OTUD7A: variants seen among roughly 807,000 people sequenced by gnomAD.
OTUD7A encodes the protein OTU domain-containing protein 7A.
In OTUD7A, 12 loss-of-function variants were observed where a neutral mutation model predicts 65.7. That is an observed-to-expected ratio of 0.18 (90% CI 0.12 to 0.30). The LOEUF (loss-of-function observed/expected upper bound fraction) is 0.30, where lower values mean the gene tolerates loss of function less well. Ranked by LOEUF, OTUD7A falls within the 10% of genes least tolerant of loss-of-function variation. The pLI is 1.00. For missense variants in OTUD7A, 1,148 were observed against 1,304.8 expected (o/e 0.88, Z 1.85); for synonymous variants, 641 against 586.3 (o/e 1.09, Z -1.35).
intron 5 of OTUD7A, chr15:31,558,624 C>T (rs1888577620): frequency 3.2e-6 from 1 of 311,950 alleles, no homozygotes; most frequent in South Asian, 6.2e-5. Flanking sequence ...AGCCCATGGT[C>T]TTTCCTATCT....
At chr15:31,493,870 A>C (rs1184217544) in intron 10 of OTUD7A, among the ~76,000 whole-genome samples, 1 of 152,234 alleles carries the variant, frequency 6.6e-6, no homozygotes, top group Non-Finnish European at 1.5e-5. Flanking sequence ...TTAGGGGAAA[A>C]GTTATAGCAT....
intron 1 of OTUD7A, among the ~76,000 whole-genome samples, chr15:31,858,343 T>A (rs956032428): frequency 6.6e-6 from 1 of 152,210 alleles, no homozygotes; most frequent in East Asian, 1.9e-4. Flanking sequence ...TGCCTCTTGC[T>A]GTGCAGTGTG....
intron 4 of OTUD7A, among the ~76,000 whole-genome samples, chr15:31,566,923 CT>C (rs1888894832): frequency 6.6e-6 from 1 of 152,218 alleles, no homozygotes; most frequent in African/African-American, 2.4e-5. Context: ...CCTATAAAGC[CT>C]GCAGAACCAT....
At chr15:31,690,073 C>T (rs1892928333) in intron 1 of OTUD7A, among the ~76,000 whole-genome samples, 1 of 152,156 alleles carries the variant, frequency 6.6e-6, no homozygotes. Flanking sequence ...AGTCAAATAA[C>T]ATATACAACC....
chr15:31,654,502 G>A (rs1891929813), intron 3 of OTUD7A, among the ~76,000 whole-genome samples: 2 of 151,934 alleles, frequency 1.3e-5, no homozygotes, highest in Admixed American at 1.3e-4. Context: ...ACATTACAAA[G>A]TTCTCTCCTC....
At chr15:31,641,520 C>A (rs1891516751) in intron 3 of OTUD7A, among the ~76,000 whole-genome samples, 1 of 152,066 alleles carries the variant, frequency 6.6e-6, no homozygotes, top group African/African-American at 2.4e-5. Flanking sequence ...GAATTTAAAG[C>A]AATCTAGGGA....
intron 3 of OTUD7A, among the ~76,000 whole-genome samples, chr15:31,635,799 T>C (rs1046264712): frequency 5.3e-5 from 8 of 152,238 alleles, no homozygotes; most frequent in Admixed American, 2.0e-4. Context: ...CCAGTTTTTG[T>C]AGGGACAGCT....
intron 1 of OTUD7A, among the ~76,000 whole-genome samples, chr15:31,680,721 G>A (rs1156771461): frequency 1.3e-5 from 2 of 152,236 alleles, no homozygotes; most frequent in African/African-American, 2.4e-5. Context: ...AGAAATGACA[G>A]GGGACTGGGC....
At chr15:31,626,017 G>A (rs1421925113) in intron 3 of OTUD7A, among the ~76,000 whole-genome samples, 4 of 152,036 alleles carry the variant, frequency 2.6e-5, no homozygotes, top group African/African-American at 9.7e-5. Context: ...GTTGCTGAGG[G>A]GTGGGCTGAG....
chr15:31,727,020 G>A (rs984934754), intron 1 of OTUD7A, among the ~76,000 whole-genome samples: 1 of 152,200 alleles, frequency 6.6e-6, no homozygotes, highest in Non-Finnish European at 1.5e-5. Context: ...TGACTGAGAG[G>A]GAGACAGGAG....
rs548275862 is a variant in OTUD7A at position 31,525,228 on chromosome 15, C to T, written c.893+1121G>A. 3.4e-4 allele frequency among the ~76,000 whole-genome samples: 52 copies of T among 152,286 alleles called. 1 individual carries two copies. The highest frequency in any genetic ancestry group is 1.2e-3 in the African/African-American group (50 of 41,552). On this transcript the variant is annotated intron_variant, in intron 8 of 12. Coordinates refer to ENST00000307050, the MANE Select transcript of OTUD7A (RefSeq NM_001382637.1). ...CCCATCACAGGCAGGACTCGGGAGG[C>T]GTGCAGAGGAAGAGAGCAGTTTTCC... is the stretch of plus-strand genomic sequence containing the variant.
At chr15:31,606,544 G>GA (rs1481612965) in intron 3 of OTUD7A, among the ~76,000 whole-genome samples, 1 of 152,072 alleles carries the variant, frequency 6.6e-6, no homozygotes, top group African/African-American at 2.4e-5. Flanking sequence ...TCATGACGTT[G>GA]AAAAAAATCC....
intron 1 of OTUD7A, among the ~76,000 whole-genome samples, chr15:31,775,096 A>G (rs887750564): frequency 8.2e-4 from 91 of 111,252 alleles, no homozygotes; most frequent in Non-Finnish European, 1.2e-3. Context: ...ATTTACACAC[A>G]CACACACACA....
chr15:31,681,773 T>G (rs1194967302), intron 1 of OTUD7A, among the ~76,000 whole-genome samples: 1 of 148,902 alleles, frequency 6.7e-6, no homozygotes, highest in Non-Finnish European at 1.5e-5. Context: ...CCCTTTTCAG[T>G]TCCTTTCACT....
At chr15:31,672,919 A>G (rs1458976106) in intron 1 of OTUD7A, among the ~76,000 whole-genome samples, 1 of 152,198 alleles carries the variant, frequency 6.6e-6, no homozygotes, top group Non-Finnish European at 1.5e-5. Flanking sequence ...CACTGAAATG[A>G]TATACTCATC....
At chr15:31,622,663 G>A (rs536301475) in intron 3 of OTUD7A, among the ~76,000 whole-genome samples, 20 of 152,250 alleles carry the variant, frequency 1.3e-4, no homozygotes, top group African/African-American at 4.1e-4. Context: ...CTAGCCATTC[G>A]TCTAATCTTT....
At chr15:31,854,023 A>T (rs1418796558) in intron 1 of OTUD7A, among the ~76,000 whole-genome samples, 2 of 152,226 alleles carry the variant, frequency 1.3e-5, no homozygotes, top group Admixed American at 1.3e-4. Context: ...TTACTACTGT[A>T]ACAAATTACC....
At position 31,701,037 on chromosome 15, in the gene OTUD7A, G is replaced by A. The variant is rs1360830479; in HGVS notation, c.-99-43960C>T. Reference sequence around the variant, plus strand: ...GAGAAAATATTAGACAAACCCAAATGGAAGGTCATTCTACCAAATAACTGA... The same window carrying A: ...GAGAAAATATTAGACAAACCCAAATAGAAGGTCATTCTACCAAATAACTGA... On this transcript the variant is annotated intron_variant, in intron 1 of 12. Coordinates refer to ENST00000307050, the MANE Select transcript of OTUD7A (RefSeq NM_001382637.1). Among the ~76,000 whole-genome samples the A allele has an allele frequency of 2.6e-5, 4 of 152,116 alleles. No homozygotes were observed. The South Asian group carries it at 8.3e-4, about 32-fold the overall frequency.
chr15:31,843,348 AAC>A (rs1326142942), intron 1 of OTUD7A, among the ~76,000 whole-genome samples: 2 of 151,766 alleles, frequency 1.3e-5, no homozygotes, highest in African/African-American at 4.8e-5. Context: ...AAAAAAAAAA[AAC>A]CCCAACCATT....
Sources: allele counts gnomAD v4.1 joint callset (sites outside exome capture counted in the v4.1 genomes callset), GRCh38; gene constraint gnomAD v4.1.1; transcripts MANE v1.5; gene names NCBI Gene and HGNC (gene_info 2026-07-23, HGNC 2026-07-21).